The following AFDN variants were observed in gnomAD, a reference collection of about 807,000 sequenced individuals.
AFDN encodes afadin, adherens junction formation factor.
AFDN carries 68 observed loss-of-function variants against 216.6 expected under a neutral mutation model. That is an observed-to-expected ratio of 0.31 (90% confidence interval 0.26 to 0.38). The LOEUF (loss-of-function observed/expected upper bound fraction) is 0.38, where lower values mean the gene tolerates loss of function less well. Ranked by LOEUF, AFDN falls within the 10% of genes least tolerant of loss-of-function variation. The probability of loss-of-function intolerance (pLI) is 1.00; values close to 1 mark genes in which losing one functional copy is unlikely to be tolerated. For synonymous variants in AFDN, 868 were observed against 853.7 expected (o/e 1.02, Z -0.29); for missense variants, 2,136 against 2,342.0 (o/e 0.91, Z 1.82).
At chr6:167,836,792 A>G (rs1170908538) in intron 1 of AFDN, among the ~76,000 whole-genome samples, 2 of 152,234 alleles carry the variant, frequency 1.3e-5, no homozygotes, top group African/African-American at 2.4e-5. Flanking sequence ...ATTAGCAAAC[A>G]TTGTTTTAAT....
At chr6:167,945,303 C>CAG (rs1795135973) in intron 26 of AFDN, among the ~76,000 whole-genome samples, 1 of 152,144 alleles carries the variant, frequency 6.6e-6, no homozygotes, top group South Asian at 2.1e-4. Flanking sequence ...GGAAGGTCTT[C>CAG]AGGGGCAGTG....
At chr6:167,959,288 C>A (rs929583433) in intron 30 of AFDN, among the ~76,000 whole-genome samples, 2 of 152,214 alleles carry the variant, frequency 1.3e-5, no homozygotes, top group African/African-American at 4.8e-5. Context: ...GGACCAGGTG[C>A]TACAGTGGAT....
intron 9 of AFDN, among the ~76,000 whole-genome samples, chr6:167,894,750 C>T (rs976152099): frequency 6.6e-6 from 1 of 152,172 alleles, no homozygotes; most frequent in African/African-American, 2.4e-5. Flanking sequence ...GAGAAAGCAG[C>T]TTCTGTCTCT....
intron 12 of AFDN, among the ~76,000 whole-genome samples, chr6:167,903,242 T>G (rs1450548843): frequency 6.6e-6 from 1 of 152,264 alleles, no homozygotes; most frequent in Non-Finnish European, 1.5e-5. Context: ...CAATCTGGTT[T>G]GAGCTCACCT....
At chr6:167,830,960 G>A (rs1409708929) in intron 1 of AFDN, among the ~76,000 whole-genome samples, 1 of 5,168 alleles carries the variant, frequency 1.9e-4, no homozygotes, top group African/African-American at 5.9e-4. Context: ...TTTTTTTTTT[G>A]AGTCAGAGTC....
chr6:167,845,885 C>T (rs1781616929), intron 1 of AFDN, among the ~76,000 whole-genome samples: 1 of 152,104 alleles, frequency 6.6e-6, no homozygotes, highest in Admixed American at 6.5e-5. Context: ...GGGGAGACCT[C>T]AGGAAACTTA....
chr6:167,928,171 T>C (rs2080557715), intron 23 of AFDN, among the ~76,000 whole-genome samples: 1 of 152,222 alleles, frequency 6.6e-6, no homozygotes, highest in Non-Finnish European at 1.5e-5. Context: ...TTTCAGAGTT[T>C]TTGGTATTCT....
intron 6 of AFDN, among the ~76,000 whole-genome samples, chr6:167,881,191 A>C (rs1232585072): frequency 6.6e-6 from 1 of 152,190 alleles, no homozygotes; most frequent in Non-Finnish European, 1.5e-5. Context: ...TGTTAGCTAC[A>C]GGTAGAATTA....
rs778358194 is a variant in AFDN, at chr6:167,947,844, C to A, written c.3554-9C>A. 1.3e-6 allele frequency: 2 copies of A among 1,591,876 alleles called. No individual in the cohort carries two copies. The highest frequency in any genetic ancestry group is 4.5e-5 in the East Asian group (2 of 44,698). On this transcript the variant is annotated splice_polypyrimidine_tract_variant and intron_variant, in intron 27 of 33. Transcript: ENST00000683244. Reference sequence around the variant, plus strand: ...TTACACTTTTTTTTTTCCCCCCTGACTTGAGCAGATCAGCCTCCTAGTCCT... The same window carrying A: ...TTACACTTTTTTTTTTCCCCCCTGAATTGAGCAGATCAGCCTCCTAGTCCT...
intron 31 of AFDN, chr6:167,963,324 G>T: frequency 9.4e-7 from 1 of 1,061,622 alleles, no homozygotes; most frequent in Non-Finnish European, 1.1e-6. Context: ...GGGACTGCGT[G>T]TTGCTCTGTG....
intron 11 of AFDN, among the ~76,000 whole-genome samples, chr6:167,899,049 C>T (rs1306614153): frequency 6.6e-6 from 1 of 152,094 alleles, no homozygotes. Context: ...TTTCATGCTG[C>T]TTAAAACAAC....
chr6:167,873,934 T>A (rs1318958786), intron 4 of AFDN, among the ~76,000 whole-genome samples: 1 of 152,186 alleles, frequency 6.6e-6, no homozygotes, highest in Admixed American at 6.5e-5. Flanking sequence ...TTGTGTTGCA[T>A]CAAAAGGGGG....
At chr6:167,887,678 G>A (rs149610060) in intron 6 of AFDN, among the ~76,000 whole-genome samples, 1,690 of 152,144 alleles carry the variant, frequency 0.011, 39 homozygotes, top group African/African-American at 0.039. Context: ...GGCTGGTGTC[G>A]AACTCCTGAG....
chr6:167,964,276 A>G lies in AFDN; in HGVS notation c.4969-1481A>G, dbSNP rs1347845848. The G allele has an allele frequency of 6.6e-6, 7 of 1,064,068 alleles. No individual in the cohort carries two copies. In the East Asian group the frequency reaches 2.5e-4, roughly 38 times the overall value. 65.9% of individuals were successfully genotyped at this position (1,064,068 alleles called of 1,614,324 possible). The stretch of plus-strand genomic sequence containing the variant: ...ATGTGCCATTCATTTGTTGGGTAGA[A>G]TAAAGTTGTCTTGTAATTGTATCTG... On this transcript the variant is annotated intron_variant, in intron 31 of 33. Transcript: ENST00000683244.
chr6:167,895,942 G>T (rs531865747), intron 9 of AFDN, among the ~76,000 whole-genome samples: 1 of 152,300 alleles, frequency 6.6e-6, no homozygotes, highest in African/African-American at 2.4e-5. Context: ...TATGGTGCAG[G>T]TGCTAAGCTC....
chr6:167,966,522 A>G (rs1409785166), intron 32 of AFDN, among the ~76,000 whole-genome samples: 2 of 152,208 alleles, frequency 1.3e-5, no homozygotes, highest in Non-Finnish European at 2.9e-5. Context: ...CATTTCTTTG[A>G]TCAGCTGACA....
intron 26 of AFDN, among the ~76,000 whole-genome samples, chr6:167,945,517 G>A (rs557357166): frequency 1.4e-4 from 21 of 152,142 alleles, no homozygotes; most frequent in Admixed American, 7.9e-4. Flanking sequence ...ATTATATACC[G>A]TGTATAATTG....
In AFDN at chr6:167,962,663, A is replaced by C. The variant is rs1433527036; in HGVS notation, c.4968+96A>C. ...GCGGGCTGGAAGTTCTGTGTTTCTT[A>C]AGAAGCACGAGGCAGAGCAGGGCCT... On this transcript the variant is annotated intron_variant, in intron 31 of 33. Coordinates refer to ENST00000683244, the MANE Select transcript of AFDN (RefSeq NM_001386888.1). The surrounding 1 kb of genome is among the most constrained non-coding windows in gnomAD (Gnocchi z 5.2). 2 of 1,589,124 alleles carry C rather than the reference A, an allele frequency of 1.3e-6. No individual in the cohort carries two copies. Among genetic ancestry groups the C allele is most frequent in the Non-Finnish European group, 1.7e-6 (2 of 1,165,022 alleles).
At chr6:167,896,224 A>AC (rs1788229823) in intron 9 of AFDN, among the ~76,000 whole-genome samples, 1 of 127,200 alleles carries the variant, frequency 7.9e-6, no homozygotes, top group East Asian at 3.2e-4. Context: ...GTATAAAATG[A>AC]CAAAAAAAAA....
Sources: gnomAD v4.1 joint callset for allele counts (sites outside exome capture counted in the v4.1 genomes callset) on GRCh38, gnomAD v4.1.1 for gene constraint, Gnocchi (gnomAD v3.1) non-coding constraint, MANE v1.5 for transcripts, NCBI Gene and HGNC (gene_info 2026-07-23, HGNC 2026-07-21) for gene names.